Variants in XKR5 observed in about 807,000 individuals in gnomAD.
XKR5 encodes the protein XK-related protein 5.
XKR5 carries 46 observed loss-of-function variants against 40.8 expected under a neutral mutation model. The ratio of observed to expected loss-of-function variants is 1.13; its 90% CI spans 0.89 to 1.44. The LOEUF (loss-of-function observed/expected upper bound fraction) is 1.44. XKR5 is among the 40% of genes most tolerant of loss of function. The probability of loss-of-function intolerance (pLI) is 0.00; values close to 1 mark genes in which losing one functional copy is unlikely to be tolerated. For synonymous variants in XKR5, 466 were observed against 356.1 expected, an observed-to-expected ratio of 1.31 and a Z score of -3.48; for missense variants, 1,169 against 844.7, an observed-to-expected ratio of 1.38 and a Z score of -4.76.
intron 4 of XKR5, among the ~76,000 whole-genome samples, chr8:6,822,339 A>C (rs1386371816): frequency 1.3e-5 from 2 of 152,354 alleles, no homozygotes; most frequent in Admixed American, 1.3e-4. Flanking sequence ...TATTCCAGAA[A>C]GTGTTTAAAG....
intron 5 of XKR5, among the ~76,000 whole-genome samples, chr8:6,821,551 G>A (rs775348374): frequency 2.0e-5 from 3 of 152,154 alleles, no homozygotes; most frequent in Non-Finnish European, 4.4e-5. Flanking sequence ...CAGAGACATT[G>A]AGTATATGAT....
intron 6 of XKR5, among the ~76,000 whole-genome samples, chr8:6,815,600 G>A (rs545481145): frequency 7.2e-4 from 110 of 152,174 alleles, no homozygotes; most frequent in African/African-American, 2.4e-3. Context: ...TTGAGGTTCC[G>A]AGCACAGTCA....
At chr8:6,829,787 G>T (rs1395650076) in intron 2 of XKR5, among the ~76,000 whole-genome samples, 2 of 141,860 alleles carry the variant, frequency 1.4e-5, no homozygotes, top group African/African-American at 2.6e-5. Context: ...AAAGCACTGA[G>T]ATTACAGGTG....
chr8:6,830,943 A>T (rs1006575416), intron 2 of XKR5, among the ~76,000 whole-genome samples: 1 of 152,208 alleles, frequency 6.6e-6, no homozygotes, highest in African/African-American at 2.4e-5. Context: ...TGAGGAAGGC[A>T]GTGGATTCCA....
chr8:6,833,638 C>G (rs1804870062), intron 1 of XKR5, among the ~76,000 whole-genome samples: 1 of 152,166 alleles, frequency 6.6e-6, no homozygotes, highest in Non-Finnish European at 1.5e-5. Context: ...ATGGCTTCAA[C>G]TCAGGAGGCG....
chr8:6,825,386 G>A (rs753763396), intron 2 of XKR5, 37 bp from the exon 3 acceptor site: 3 of 1,479,208 alleles, frequency 2.0e-6, no homozygotes, highest in South Asian at 1.4e-5. Context: ...ACGGAGCCAG[G>A]CTGTGGCGAG....
At chr8:6,820,358 T>A (rs958655360) in intron 5 of XKR5, among the ~76,000 whole-genome samples, 1 of 152,248 alleles carries the variant, frequency 6.6e-6, no homozygotes, top group African/African-American at 2.4e-5. Flanking sequence ...AGTGACTGTA[T>A]GAGATGGTTG....
chr8:6,823,537 C>A lies in XKR5; in HGVS notation c.621G>T (p.Trp207Cys). The change falls in exon 4 of 7, where the codon TGG (tryptophan) becomes TGT (cysteine). Residue 207 changes from tryptophan (W) to cysteine (C), a missense_variant. Trp to Cys is a radical substitution (Grantham distance 215, BLOSUM62 -2). Transcript: ENST00000618742. Reference sequence around the variant, plus strand: ...TCAGCTCACCTGCAACCACAAAAACCCAAAAGTGGTAGGCTTTGTAGAACA... The same window carrying A: ...TCAGCTCACCTGCAACCACAAAAACACAAAAGTGGTAGGCTTTGTAGAACA... Reference protein sequence around the residue: ...LVLFYKAYHFWVFVVAGAHWL... With the variant: ...LVLFYKAYHFCVFVVAGAHWL... The A allele has an allele frequency of 6.3e-7, 1 of 1,589,750 alleles. No individual in the cohort carries two copies.
intron 3 of XKR5, among the ~76,000 whole-genome samples, chr8:6,824,862 G>T (rs997343513): frequency 2.0e-5 from 3 of 152,150 alleles, no homozygotes; most frequent in African/African-American, 7.2e-5. Context: ...AAAAACATGT[G>T]CAGTGAGTTT....
At chr8:6,826,792 G>A (rs531062381) in intron 2 of XKR5, among the ~76,000 whole-genome samples, 5 of 152,140 alleles carry the variant, frequency 3.3e-5, no homozygotes, top group Admixed American at 6.5e-5. Context: ...GCCTGGATAC[G>A]AAAGGGACAC....
intron 1 of XKR5, among the ~76,000 whole-genome samples, chr8:6,834,146 T>C (rs950820648): frequency 6.6e-6 from 1 of 152,234 alleles, no homozygotes; most frequent in African/African-American, 2.4e-5. Context: ...CAGGGTTGTC[T>C]GAGGCTGATC....
At chr8:6,821,026 C>G (rs896657409) in intron 5 of XKR5, among the ~76,000 whole-genome samples, 1 of 152,174 alleles carries the variant, frequency 6.6e-6, no homozygotes, top group Non-Finnish European at 1.5e-5. Context: ...GTATGTAGAT[C>G]TTATTTAATC....
At chr8:6,832,639 A>G in intron 2 of XKR5, 78 bp downstream of exon 2, 1 of 1,563,828 alleles carries the variant, frequency 6.4e-7, no homozygotes, top group Non-Finnish European at 8.7e-7. Context: ...TTGAGGACAG[A>G]ATCCACATGG....
intron 5 of XKR5, among the ~76,000 whole-genome samples, chr8:6,819,422 C>A (rs761828841): frequency 6.6e-6 from 1 of 152,252 alleles, no homozygotes; most frequent in Non-Finnish European, 1.5e-5. Context: ...AGATCACAGT[C>A]TGGGCATTTC....
chr8:6,822,988 A>T (rs1162547431), intron 4 of XKR5, among the ~76,000 whole-genome samples: 5 of 152,204 alleles, frequency 3.3e-5, no homozygotes, highest in African/African-American at 9.7e-5. Flanking sequence ...TGTTTCAGTG[A>T]CAGTTTTTCT....
In XKR5 at chr8:6,832,776, C is replaced by G; in HGVS notation, c.183G>C (p.Gly61=). ...ALSYLWFRAD[G]HPGHCSLMML... ...TCATCAAGGAGCAATGCCCTGGATG[C>G]CCGTCTGCTCGGAACCACAGGTAGC... is the stretch of plus-strand genomic sequence containing the variant. The change falls in exon 2 of 7, where the codon GGG becomes GGC. Residue 61 remains glycine, a synonymous_variant. Transcript: ENST00000618742. 1 of 1,613,318 alleles carries G rather than the reference C, an allele frequency of 6.2e-7. No individual in the cohort carries two copies. Among genetic ancestry groups the G allele is most frequent in the Non-Finnish European group, 8.5e-7 (1 of 1,179,658 alleles).
chr8:6,811,335 C>G lies in XKR5; in HGVS notation c.1924G>C (p.Val642Leu). The G allele has an allele frequency of 1.3e-6, 2 of 1,537,376 alleles. No individual in the cohort carries two copies. The highest frequency in any genetic ancestry group is 1.7e-6 in the Non-Finnish European group (2 of 1,146,936). The change falls in exon 7 of 7, where the codon GTT (valine) becomes CTT (leucine). Residue 642 changes from valine (V) to leucine (L), a missense_variant. Val to Leu is a conservative substitution (Grantham distance 32). Transcript: ENST00000618742. The stretch of plus-strand genomic sequence containing the variant: ...TGTGGCAATGACACCCACACACCAA[C>G]AGCTGCATGGTGACTTAGCTCCCTT... ...PKRELSHHAA[V>L]GVWVSLPQLR...
chr8:6,812,374 C>A, intron 6 of XKR5, 35 bp from the exon 7 acceptor site: 1 of 1,498,822 alleles, frequency 6.7e-7, no homozygotes, highest in South Asian at 1.4e-5. Context: ...AGGTTATGTT[C>A]TTTGAAGTCT....
At chr8:6,826,541 G>T (rs947320809) in intron 2 of XKR5, among the ~76,000 whole-genome samples, 1 of 152,166 alleles carries the variant, frequency 6.6e-6, no homozygotes, top group Non-Finnish European at 1.5e-5. Context: ...TGGCTTTGAG[G>T]TTTCAGGCCT....
Sources: gnomAD v4.1 joint callset for allele counts (sites outside exome capture counted in the v4.1 genomes callset) on GRCh38, gnomAD v4.1.1 for gene constraint, MANE v1.5 for transcripts, NCBI Gene and HGNC (gene_info 2026-07-23, HGNC 2026-07-21) for gene names.